The following R3HDM1 variants were observed in gnomAD, a reference collection of about 807,000 sequenced individuals.
R3HDM1 encodes R3H domain-containing protein 1.
Under a neutral mutation model 141.1 loss-of-function variants are expected in R3HDM1, and 46 were observed. The ratio of observed to expected loss-of-function variants is 0.33; its 90% CI spans 0.26 to 0.42. R3HDM1 has a LOEUF of 0.42. R3HDM1 is among the 10% of genes least tolerant of loss of function. R3HDM1 has a pLI of 1.00. For missense variants in R3HDM1, 1,184 were observed against 1,368.3 expected (o/e 0.87, Z 2.12); for synonymous variants, 435 against 472.9 (o/e 0.92, Z 1.04).
chr2:135,595,657 T>A (rs1010686262), intron 1 of R3HDM1, among the ~76,000 whole-genome samples: 1 of 152,204 alleles, frequency 6.6e-6, no homozygotes, highest in African/African-American at 2.4e-5. Flanking sequence ...TGCAATCAGT[T>A]ATTATCTTGT....
intron 1 of R3HDM1, among the ~76,000 whole-genome samples, chr2:135,562,493 G>A (rs986503859): frequency 6.6e-6 from 1 of 152,070 alleles, no homozygotes; most frequent in Non-Finnish European, 1.5e-5. Context: ...TAGTAATCTA[G>A]ATTATAATTT....
At chr2:135,702,710 G>T (rs970771949) in intron 21 of R3HDM1, among the ~76,000 whole-genome samples, 6 of 151,534 alleles carry the variant, frequency 4.0e-5, no homozygotes, top group African/African-American at 1.5e-4. Context: ...CCAGCTACTC[G>T]GGAGGCTGAG....
intron 18 of R3HDM1, among the ~76,000 whole-genome samples, chr2:135,656,289 T>C (rs569979563): frequency 6.6e-6 from 1 of 152,306 alleles, no homozygotes; most frequent in African/African-American, 2.4e-5. Context: ...CATTTATGGT[T>C]ATTAGTTGGG....
At chr2:135,537,174 TAAAAAAA>T (rs60737602) in intron 1 of R3HDM1, among the ~76,000 whole-genome samples, 1 of 115,234 alleles carries the variant, frequency 8.7e-6, no homozygotes, top group Non-Finnish European at 1.8e-5. Flanking sequence ...CTCTGGAATT[TAAAAAAA>T]AAAAAAAAAA....
chr2:135,536,802 A>G, intron 1 of R3HDM1: 1 of 760,750 alleles, frequency 1.3e-6, no homozygotes, highest in Non-Finnish European at 1.6e-6. Flanking sequence ...ACCGGTGAAC[A>G]TCACCACCTG....
chr2:135,594,986 C>CCG lies in R3HDM1; in HGVS notation c.-249-7513_-249-7512insGC, dbSNP rs548065655. On this transcript the variant is annotated intron_variant, in intron 1 of 26. Transcript: ENST00000683871. ...TCCCTAGGGATTCTACACCCCCCCC[C>CCG]CTTTTCAATGAAGGCTTGTGGGCAA... 1.5e-4 allele frequency among the ~76,000 whole-genome samples: 23 copies of CCG among 151,900 alleles called. No individual in the cohort carries two copies. The South Asian group carries it at 4.2e-3, about 28-fold the overall frequency.
rs140806524 is a variant in R3HDM1, at chr2:135,555,108, T to A, written c.-250+23475T>A. ...CGAGGTCAAGAGATGGAGACTTTCC[T>A]GGCCAACATGGTGAAACTCTGTCTC... On this transcript the variant is annotated intron_variant, in intron 1 of 26. Transcript: ENST00000683871. Among the ~76,000 whole-genome samples the A allele has an allele frequency of 2.6e-5, 4 of 152,184 alleles. No individual in the cohort carries two copies. The East Asian group carries it at 5.8e-4, about 22-fold the overall frequency.
chr2:135,531,833 C>G lies in R3HDM1; in HGVS notation c.-250+200C>G, dbSNP rs557815322. ...TGACGTCCCGCTGCTGCCAGCCCGCCGTTAGGTCGGGTTCCGAGTGAGCCA... is the reference window on the plus strand; with the variant it reads ...TGACGTCCCGCTGCTGCCAGCCCGCGGTTAGGTCGGGTTCCGAGTGAGCCA... On this transcript the variant is annotated intron_variant, in intron 1 of 26. Coordinates refer to ENST00000683871, the MANE Select transcript of R3HDM1 (RefSeq NM_001378107.1). 2.8e-5 allele frequency: 28 copies of G among 985,396 alleles called. No individual in the cohort carries two copies. The South Asian group carries it at 1.2e-3, about 43-fold the overall frequency. The allele number at this position is 985,396 out of a possible 1,614,324, so 61.0% of individuals were successfully genotyped here. A position where few individuals can be genotyped will look rare whatever the true frequency, so the allele number is the denominator to read the frequency against.
chr2:135,573,787 C>T (rs996848627), intron 1 of R3HDM1, among the ~76,000 whole-genome samples: 1 of 152,022 alleles, frequency 6.6e-6, no homozygotes, highest in South Asian at 2.1e-4. Flanking sequence ...CTGTTCCCCC[C>T]ACAACAAAAC....
At chr2:135,609,032 C>T (rs1362462631) in intron 3 of R3HDM1, among the ~76,000 whole-genome samples, 2 of 152,104 alleles carry the variant, frequency 1.3e-5, no homozygotes, top group Non-Finnish European at 2.9e-5. Context: ...AGGGATGTTA[C>T]AGCCCCTTTT....
At chr2:135,622,628 T>C in intron 6 of R3HDM1, 26 bp from the exon 7 acceptor site, 1 of 1,575,622 alleles carries the variant, frequency 6.3e-7, no homozygotes, top group Non-Finnish European at 8.6e-7. Context: ...AACTTTATAC[T>C]GGGTTTTTGT....
In R3HDM1 at chr2:135,645,504, G is replaced by A; in HGVS notation, c.1600G>A (p.Ala534Thr). Residue 534 changes from alanine to threonine, a missense_variant, in exon 16 of 27, where the codon GCA becomes ACA. Coordinates refer to ENST00000683871, the MANE Select transcript of R3HDM1 (RefSeq NM_001378107.1). ...PPLPAPPQQP[A>T]ANHIFSQPVH... ...TCTGCCAGCCCCACCTCAACAACCA[G>A]CAGCTAATCACATTTTCTCACAGGT... The A allele has an allele frequency of 6.2e-7, 1 of 1,613,958 alleles. No individual in the cohort carries two copies. Among genetic ancestry groups the A allele is most frequent in the South Asian group, 1.1e-5 (1 of 91,040 alleles).
At chr2:135,692,402 C>T (rs1433294598) in intron 21 of R3HDM1, among the ~76,000 whole-genome samples, 1 of 152,150 alleles carries the variant, frequency 6.6e-6, no homozygotes, top group Non-Finnish European at 1.5e-5. Flanking sequence ...GAGTTCTAGA[C>T]CACCCTGGCC....
At chr2:135,669,132 C>T (rs909365616) in intron 19 of R3HDM1, 9 of 982,804 alleles carry the variant, frequency 9.2e-6, no homozygotes, top group Admixed American at 1.2e-4. Flanking sequence ...ACAATTTATG[C>T]GTATAATCTA....
At chr2:135,536,380 C>T (rs1284268139) in intron 1 of R3HDM1, 1 of 224,036 alleles carries the variant, frequency 4.5e-6, no homozygotes, top group East Asian at 1.8e-4. Context: ...CTCCTGGGCG[C>T]AAGCAATCCT....
intron 21 of R3HDM1, among the ~76,000 whole-genome samples, chr2:135,693,116 T>C (rs1354762439): frequency 6.6e-6 from 1 of 152,168 alleles, no homozygotes; most frequent in Non-Finnish European, 1.5e-5. Flanking sequence ...AAAAATAAGT[T>C]TCCATAAATT....
At chr2:135,625,773 A>T (rs2061955208) in intron 7 of R3HDM1, among the ~76,000 whole-genome samples, 1 of 152,120 alleles carries the variant, frequency 6.6e-6, no homozygotes, top group Non-Finnish European at 1.5e-5. Flanking sequence ...ATAAAAACCC[A>T]AAAGGACAGA....
chr2:135,543,527 A>T (rs1698066094), intron 1 of R3HDM1, among the ~76,000 whole-genome samples: 1 of 151,996 alleles, frequency 6.6e-6, no homozygotes. Flanking sequence ...TTGGATTTTA[A>T]TTGGGATTGT....
chr2:135,684,248 G>A (rs927278948), intron 21 of R3HDM1, among the ~76,000 whole-genome samples: 3 of 151,892 alleles, frequency 2.0e-5, no homozygotes, highest in Non-Finnish European at 2.9e-5. Flanking sequence ...CCGCCACTAC[G>A]CCCGGCTAAT....
Sources: gnomAD v4.1 joint callset for allele counts (sites outside exome capture counted in the v4.1 genomes callset) on GRCh38, gnomAD v4.1.1 for gene constraint, MANE v1.5 for transcripts, NCBI Gene and HGNC (gene_info 2026-07-23, HGNC 2026-07-21) for gene names.